WWOX: variants seen among roughly 807,000 people sequenced by gnomAD.
The protein encoded by WWOX is WW domain-containing oxidoreductase.
WWOX carries 69 observed loss-of-function variants against 46.2 expected under a neutral mutation model. The ratio of observed to expected loss-of-function variants is 1.49; its 90% CI spans 1.23 to 1.82. The LOEUF (loss-of-function observed/expected upper bound fraction) is 1.82. Among genes scored for constraint, WWOX ranks in the 40% most tolerant of loss-of-function variants. WWOX has a pLI of 0.00. For synonymous variants in WWOX, 359 were observed against 202.6 expected (o/e 1.77, Z -6.56); for missense variants, 919 against 542.6 (o/e 1.69, Z -6.89).
At chr16:78,693,638 A>G (rs1415930307) in intron 8 of WWOX, among the ~76,000 whole-genome samples, 2 of 152,174 alleles carry the variant, frequency 1.3e-5, no homozygotes, top group African/African-American at 2.4e-5. Context: ...GTCTGGAGAC[A>G]TTGTTGGTTG....
At chr16:78,961,347 T>C (rs569082233) in intron 8 of WWOX, among the ~76,000 whole-genome samples, 2 of 152,334 alleles carry the variant, frequency 1.3e-5, no homozygotes, top group African/African-American at 4.8e-5. Context: ...CTAGTTGGTG[T>C]AAGGAAACTT....
chr16:78,174,702 A>G (rs1459575926), intron 5 of WWOX, among the ~76,000 whole-genome samples: 1 of 152,194 alleles, frequency 6.6e-6, no homozygotes, highest in Non-Finnish European at 1.5e-5. Flanking sequence ...AATCTGACTA[A>G]GGTGGCCGGG....
At chr16:78,554,703 C>G (rs976898503) in intron 8 of WWOX, among the ~76,000 whole-genome samples, 3 of 152,016 alleles carry the variant, frequency 2.0e-5, no homozygotes, top group African/African-American at 4.8e-5. Context: ...GTAGAGGTGG[C>G]CTAAGGCAGC....
intron 8 of WWOX, among the ~76,000 whole-genome samples, chr16:78,629,522 C>T (rs1356267367): frequency 6.6e-6 from 1 of 152,240 alleles, no homozygotes; most frequent in South Asian, 2.1e-4. Flanking sequence ...AATCCCTTCA[C>T]TGGCTCACCA....
At chr16:79,039,310 T>C (rs2047927242) in intron 8 of WWOX, among the ~76,000 whole-genome samples, 1 of 152,066 alleles carries the variant, frequency 6.6e-6, no homozygotes, top group African/African-American at 2.4e-5. Context: ...CCTCCTCTCC[T>C]GCCAGCAGAA....
At chr16:78,618,639 G>A (rs1396917191) in intron 8 of WWOX, among the ~76,000 whole-genome samples, 3 of 152,112 alleles carry the variant, frequency 2.0e-5, no homozygotes, top group South Asian at 2.1e-4. Context: ...GACACAGTAC[G>A]CTCTCATAAG....
At chr16:78,601,265 G>A (rs1271159819) in intron 8 of WWOX, among the ~76,000 whole-genome samples, 1 of 152,090 alleles carries the variant, frequency 6.6e-6, no homozygotes, top group East Asian at 1.9e-4. Context: ...GTCCCTCTTT[G>A]CCCCTTTGGG....
intron 8 of WWOX, among the ~76,000 whole-genome samples, chr16:78,639,606 C>T (rs1003888634): frequency 6.6e-6 from 1 of 151,788 alleles, no homozygotes; most frequent in Non-Finnish European, 1.5e-5. Context: ...TCTTGTTGCA[C>T]AGGCTGGGGT....
chr16:78,893,551 G>C (rs2044636987), intron 8 of WWOX, among the ~76,000 whole-genome samples: 1 of 152,194 alleles, frequency 6.6e-6, no homozygotes, highest in South Asian at 2.1e-4. Context: ...TCCTCTCTCA[G>C]ACTCAGCTCC....
chr16:79,125,408 C>A (rs1267721605), intron 8 of WWOX, among the ~76,000 whole-genome samples: 2 of 152,128 alleles, frequency 1.3e-5, no homozygotes, highest in Non-Finnish European at 2.9e-5. Flanking sequence ...GCAAAATAAG[C>A]CTTTGAAGAG....
intron 8 of WWOX, among the ~76,000 whole-genome samples, chr16:78,653,606 C>T (rs1027952451): frequency 6.6e-6 from 1 of 152,212 alleles, no homozygotes; most frequent in African/African-American, 2.4e-5. Context: ...TAGCAGTTGC[C>T]AGCTTGGGTT....
At chr16:78,379,159 CTTA>C (rs1364698278) in intron 5 of WWOX, among the ~76,000 whole-genome samples, 1 of 152,094 alleles carries the variant, frequency 6.6e-6, no homozygotes, top group African/African-American at 2.4e-5. Context: ...GTCATCAGTG[CTTA>C]TTATTTTTGT....
chr16:78,556,675 G>T (rs968109075), intron 8 of WWOX, among the ~76,000 whole-genome samples: 5 of 152,066 alleles, frequency 3.3e-5, no homozygotes, highest in Non-Finnish European at 7.4e-5. Context: ...ACACTGCTTT[G>T]TATTTGTTTT....
intron 8 of WWOX, among the ~76,000 whole-genome samples, chr16:79,049,348 A>G (rs1316486323): frequency 2.0e-5 from 3 of 152,224 alleles, no homozygotes; most frequent in Non-Finnish European, 4.4e-5. Flanking sequence ...TGGGGCAAAC[A>G]CAGGGGATTT....
At chr16:78,459,397 T>A (rs1279702016) in intron 8 of WWOX, among the ~76,000 whole-genome samples, 2 of 152,212 alleles carry the variant, frequency 1.3e-5, no homozygotes, top group Non-Finnish European at 2.9e-5. Context: ...GGCCTACAAG[T>A]GGAGCGTGAT....
chr16:78,370,980 CTTTT>C (rs66999008), intron 5 of WWOX, among the ~76,000 whole-genome samples: 1 of 134,392 alleles, frequency 7.4e-6, no homozygotes, highest in Non-Finnish European at 1.6e-5. Context: ...GTTGTGATTT[CTTTT>C]TTTTTTTTTT....
At chr16:78,378,574 A>T (rs190088831) in intron 5 of WWOX, among the ~76,000 whole-genome samples, 2 of 152,194 alleles carry the variant, frequency 1.3e-5, no homozygotes, top group African/African-American at 4.8e-5. Context: ...TTAGATTTCT[A>T]TTGTAGTTCA....
At chr16:79,107,164 C>A (rs1004759150) in intron 8 of WWOX, among the ~76,000 whole-genome samples, 1 of 152,202 alleles carries the variant, frequency 6.6e-6, no homozygotes, top group Non-Finnish European at 1.5e-5. Context: ...TGGTCTTCAA[C>A]TCCTGAGCTC....
At chr16:78,887,480 C>A (rs1231746479) in intron 8 of WWOX, among the ~76,000 whole-genome samples, 6 of 124,446 alleles carry the variant, frequency 4.8e-5, no homozygotes, top group Non-Finnish European at 6.9e-5. Context: ...CACACACACA[C>A]ACACACACAC....
Sources: allele counts gnomAD v4.1 joint callset (sites outside exome capture counted in the v4.1 genomes callset), GRCh38; gene constraint gnomAD v4.1.1; transcripts MANE v1.5; gene names NCBI Gene and HGNC (gene_info 2026-07-23, HGNC 2026-07-21).